B4GALT1: variants seen among roughly 807,000 people sequenced by gnomAD.
B4GALT1 encodes the protein N-acetyllactosamine synthase.
In B4GALT1, 16 loss-of-function variants were observed where a neutral mutation model predicts 34.9. The observed-to-expected ratio is 0.46, with a 90% CI of 0.31 to 0.70. The LOEUF (loss-of-function observed/expected upper bound fraction) is 0.70. Ranked by LOEUF, B4GALT1 falls within the 30% of genes least tolerant of loss-of-function variation. B4GALT1 has a pLI of 0.05. For synonymous variants in B4GALT1, 221 were observed against 218.1 expected, an observed-to-expected ratio of 1.01 and a Z score of -0.12; for missense variants, 445 against 530.5, an observed-to-expected ratio of 0.84 and a Z score of 1.58.
At chr9:33,161,392 G>A (rs1840673458) in intron 1 of B4GALT1, among the ~76,000 whole-genome samples, 1 of 151,942 alleles carries the variant, frequency 6.6e-6, no homozygotes, top group African/African-American at 2.4e-5. Context: ...AATATCCTGA[G>A]ATCACTCCTT....
chr9:33,130,832 G>T (rs1244714170), intron 2 of B4GALT1, among the ~76,000 whole-genome samples: 3 of 152,044 alleles, frequency 2.0e-5, no homozygotes, highest in Non-Finnish European at 2.9e-5. Flanking sequence ...GGCCCTGAGT[G>T]GGGGTGCAGC....
At chr9:33,163,935 CA>C (rs995604440) in intron 1 of B4GALT1, among the ~76,000 whole-genome samples, 3 of 152,172 alleles carry the variant, frequency 2.0e-5, no homozygotes, top group Admixed American at 6.5e-5. Flanking sequence ...TAGCCCAGAG[CA>C]GGGTGCCCGG....
chr9:33,177,979 C>G, the B4GALT1 span, among the ~76,000 whole-genome samples: 1 of 137,708 alleles, frequency 7.3e-6, no homozygotes, highest in African/African-American at 2.7e-5. Flanking sequence ...TAGGAGGAAA[C>G]AGAAGACTTT....
At chr9:33,138,944 A>G (rs1840308686) in intron 1 of B4GALT1, among the ~76,000 whole-genome samples, 1 of 151,648 alleles carries the variant, frequency 6.6e-6, no homozygotes, top group African/African-American at 2.4e-5. Flanking sequence ...CCCAACCCCA[A>G]CACACACACT....
intron 1 of B4GALT1, among the ~76,000 whole-genome samples, chr9:33,145,005 G>A (rs978313138): frequency 6.6e-6 from 1 of 152,136 alleles, no homozygotes; most frequent in South Asian, 2.1e-4. Context: ...GATCAAGATG[G>A]GGCAAAAACA....
At chr9:33,133,451 C>T (rs1444191850) in intron 2 of B4GALT1, among the ~76,000 whole-genome samples, 1 of 152,190 alleles carries the variant, frequency 6.6e-6, no homozygotes, top group East Asian at 1.9e-4. Flanking sequence ...TGCTCGCTGC[C>T]ACTGCTTTAA....
the B4GALT1 span, among the ~76,000 whole-genome samples, chr9:33,174,658 T>A: frequency 6.7e-6 from 1 of 149,558 alleles, no homozygotes; most frequent in Non-Finnish European, 1.5e-5. Context: ...CAAAATTACA[T>A]GTATATCTTA....
chr9:33,179,637 T>G, the B4GALT1 span: 1 of 152,254 alleles, frequency 6.6e-6, no homozygotes, highest in African/African-American at 2.4e-5. Context: ...CCATAGAAAC[T>G]GTATTTCAAA....
intron 3 of B4GALT1, 56 bp from the exon 4 acceptor site, chr9:33,116,169 C>A: frequency 1.9e-6 from 3 of 1,593,840 alleles, no homozygotes; most frequent in South Asian, 1.1e-5. Flanking sequence ...TCTGACATCC[C>A]CAAAATAAAG....
chr9:33,173,913 T>C, the B4GALT1 span, among the ~76,000 whole-genome samples: 1 of 152,070 alleles, frequency 6.6e-6, no homozygotes, highest in Non-Finnish European at 1.5e-5. Context: ...AGAATGAAAA[T>C]AAATATTGAT....
At chr9:33,110,396 T>C (rs1254727894), downstream of B4GALT1, among the ~76,000 whole-genome samples, 1 of 152,240 alleles carries the variant, frequency 6.6e-6, no homozygotes, top group East Asian at 1.9e-4. Context: ...CTAGCTACTA[T>C]GTAGTGAGTA....
chr9:33,159,214 T>C (rs907329969), intron 1 of B4GALT1, among the ~76,000 whole-genome samples: 1 of 152,178 alleles, frequency 6.6e-6, no homozygotes, highest in African/African-American at 2.4e-5. Context: ...CAAAAGGCCA[T>C]TATGCAAAAC....
chr9:33,126,665 A>ATTTAACCAT (rs1840113544), intron 2 of B4GALT1, among the ~76,000 whole-genome samples: 1 of 31,100 alleles, frequency 3.2e-5, no homozygotes, highest in African/African-American at 7.0e-5. Flanking sequence ...CCATAGCAAT[A>ATTTAACCAT]TGGTAGCTCA....
chr9:33,136,452 C>A (rs1840274638), intron 1 of B4GALT1, among the ~76,000 whole-genome samples: 1 of 152,132 alleles, frequency 6.6e-6, no homozygotes, highest in Non-Finnish European at 1.5e-5. Flanking sequence ...TCTCTGCAGA[C>A]CAGACCGCCT....
intron 3 of B4GALT1, among the ~76,000 whole-genome samples, chr9:33,117,812 C>G (rs1426795775): frequency 2.6e-5 from 4 of 152,162 alleles, no homozygotes; most frequent in Non-Finnish European, 5.9e-5. Flanking sequence ...TACTACTGTC[C>G]ACATTATTAA....
chr9:33,116,943 G>C (rs12352863), intron 3 of B4GALT1, among the ~76,000 whole-genome samples: 30,739 of 152,124 alleles, frequency 0.2, 3,406 homozygotes, highest in East Asian at 0.5. Context: ...CAAAAAGTAT[G>C]ATCTTCCTCT....
chr9:33,152,393 CAG>C (rs745827823), intron 1 of B4GALT1, among the ~76,000 whole-genome samples: 7 of 150,616 alleles, frequency 4.6e-5, no homozygotes, highest in Non-Finnish European at 1.0e-4. Context: ...CTAAAGAAAC[CAG>C]AGATAAAGAA....
At chr9:33,133,217 T>C (rs1170793066) in intron 2 of B4GALT1, among the ~76,000 whole-genome samples, 2 of 152,226 alleles carry the variant, frequency 1.3e-5, no homozygotes, top group African/African-American at 4.8e-5. Context: ...ATATATATTT[T>C]AACCTACCTA....
intron 2 of B4GALT1, among the ~76,000 whole-genome samples, chr9:33,130,685 C>T (rs1343505026): frequency 6.6e-6 from 1 of 151,614 alleles, no homozygotes; most frequent in Non-Finnish European, 1.5e-5. Context: ...GTGTGTAAAG[C>T]TTGATACGTG....
Sources: allele counts gnomAD v4.1 joint callset (sites outside exome capture counted in the v4.1 genomes callset), GRCh38; gene constraint gnomAD v4.1.1; transcripts MANE v1.5; gene names NCBI Gene and HGNC (gene_info 2026-07-23, HGNC 2026-07-21).